The following DCT variants were observed in gnomAD, a reference collection of about 807,000 sequenced individuals.
The protein encoded by DCT is L-dopachrome tautomerase.
DCT carries 47 observed loss-of-function variants against 53.0 expected under a neutral mutation model. That is an observed-to-expected ratio of 0.89 (90% CI 0.70 to 1.13). The LOEUF (loss-of-function observed/expected upper bound fraction) is 1.13. Among genes scored for constraint, DCT ranks in the 50% most tolerant of loss-of-function variants. The probability of loss-of-function intolerance (pLI) is 0.00; values close to 1 mark genes in which losing one functional copy is unlikely to be tolerated. For missense variants in DCT, 669 were observed against 637.4 expected (o/e 1.05, Z -0.53); for synonymous variants, 244 against 237.0 (o/e 1.03, Z -0.27).
the DCT span, among the ~76,000 whole-genome samples, chr13:94,494,679 A>G: frequency 1.3e-5 from 2 of 152,228 alleles, no homozygotes; most frequent in Admixed American, 6.5e-5. Flanking sequence ...CATTATAGAA[A>G]GTTTTTAAAG....
At chr13:94,503,357 G>T in the DCT span, among the ~76,000 whole-genome samples, 1 of 150,110 alleles carries the variant, frequency 6.7e-6, no homozygotes, top group Non-Finnish European at 1.5e-5. Context: ...TGCAGCTAGG[G>T]TGACAGAGAC....
chr13:94,539,245 C>T, the DCT span, among the ~76,000 whole-genome samples: 1,472 of 152,190 alleles, frequency 9.7e-3, 24 homozygotes, highest in African/African-American at 0.033. Flanking sequence ...GCATAGCAGA[C>T]GGCAAGCTCT....
chr13:94,484,166 T>C (rs4773797), upstream of DCT, among the ~76,000 whole-genome samples: 75,827 of 151,974 alleles, frequency 0.5, 20,540 homozygotes, highest in African/African-American at 0.7. Context: ...CTTTTCATTC[T>C]TTTCATTCTG....
At chr13:94,524,595 A>G in the DCT span, among the ~76,000 whole-genome samples, 1,862 of 152,312 alleles carry the variant, frequency 0.012, 40 homozygotes, top group African/African-American at 0.042. Flanking sequence ...TTCCATGAAA[A>G]GAGAGATTTT....
chr13:94,465,968 T>TTATATATATATA (rs3044355), intron 3 of DCT, among the ~76,000 whole-genome samples, 169 bp from the exon 4 acceptor site: 57 of 77,808 alleles, frequency 7.3e-4, no homozygotes, highest in East Asian at 1.2e-3. Flanking sequence ...TGTGTATATT[T>TTATATATATATA]TATATATATA....
chr13:94,446,197 G>T (rs1300707715), intron 6 of DCT, among the ~76,000 whole-genome samples: 1 of 152,146 alleles, frequency 6.6e-6, no homozygotes, highest in Non-Finnish European at 1.5e-5. Flanking sequence ...CCAATAACAT[G>T]GCACTGAGAA....
chr13:94,469,075 A>T (rs367760767), intron 1 of DCT, 30 bp from the exon 2 acceptor site: 5 of 1,580,506 alleles, frequency 3.2e-6, no homozygotes, highest in Non-Finnish European at 4.3e-6. Flanking sequence ...GATGGAAAGG[A>T]AGGGGGTTTA....
the DCT span, among the ~76,000 whole-genome samples, chr13:94,525,975 A>T: frequency 6.6e-6 from 1 of 152,264 alleles, no homozygotes; most frequent in African/African-American, 2.4e-5. Context: ...CCCAAAGGCC[A>T]TGATGATTAT....
intron 6 of DCT, among the ~76,000 whole-genome samples, chr13:94,453,474 C>T (rs561368286): frequency 6.6e-6 from 1 of 151,992 alleles, no homozygotes; most frequent in East Asian, 1.9e-4. Flanking sequence ...TATTTTTTTA[C>T]AATATTAGTC....
intron 1 of DCT, among the ~76,000 whole-genome samples, chr13:94,477,376 C>T (rs1034834598): frequency 2.6e-5 from 4 of 152,058 alleles, no homozygotes; most frequent in Non-Finnish European, 4.4e-5. Context: ...GGATTACAGG[C>T]GTGAGCCACT....
In DCT at chr13:94,445,735, G is replaced by A. The variant is rs746252950; in HGVS notation, c.1180-2098C>T. Reference sequence around the variant, plus strand: ...CATGGTTACCAGCACATGCAGGGAAGGGAGTTCCTTGGTCGCTTTCTCTTT... The same window carrying A: ...CATGGTTACCAGCACATGCAGGGAAAGGAGTTCCTTGGTCGCTTTCTCTTT... On this transcript the variant is annotated intron_variant, in intron 6 of 7. Coordinates refer to ENST00000377028, the MANE Select transcript of DCT (RefSeq NM_001922.5). 2.6e-5 allele frequency: 41 copies of A among 1,588,626 alleles called. No individual in the cohort carries two copies. The highest frequency in any genetic ancestry group is 6.8e-5 in the East Asian group (3 of 44,014).
At chr13:94,522,224 A>C in the DCT span, among the ~76,000 whole-genome samples, 39,921 of 152,116 alleles carry the variant, frequency 0.26, 6,490 homozygotes, top group East Asian at 0.61. Flanking sequence ...TGAGCTGGGA[A>C]AGGCAGACCC....
In DCT at chr13:94,438,479, C is replaced by T. The variant is rs898423188; in HGVS notation, c.*1419G>A. ...TGGTTCTTGATGAGTCTTGCACCCTCTAGGACCCCTTATGTTGAAGGCAGC... is the reference window on the plus strand; with the variant it reads ...TGGTTCTTGATGAGTCTTGCACCCTTTAGGACCCCTTATGTTGAAGGCAGC... On this transcript the variant is annotated 3_prime_UTR_variant, in exon 8 of 8. Transcript: ENST00000377028. 4.8e-5 allele frequency: 20 copies of T among 413,682 alleles called. No individual in the cohort carries two copies. The highest frequency in any genetic ancestry group is 9.1e-5 in the Non-Finnish European group (19 of 208,262). The allele number at this position is 413,682 out of a possible 1,614,324, so 25.6% of individuals were successfully genotyped here. A position where few individuals can be genotyped will look rare whatever the true frequency, so the allele number is the denominator to read the frequency against.
the DCT span, among the ~76,000 whole-genome samples, chr13:94,497,874 A>G: frequency 1.3e-5 from 2 of 150,094 alleles, no homozygotes; most frequent in Admixed American, 6.6e-5. Flanking sequence ...GGGGTCACCT[A>G]TATGTGTGTG....
the DCT span, among the ~76,000 whole-genome samples, chr13:94,500,151 A>T: frequency 2.0e-5 from 3 of 152,102 alleles, no homozygotes; most frequent in African/African-American, 7.2e-5. Context: ...CCTTTCATCA[A>T]CATCTCCCCA....
At chr13:94,487,794 A>AT in the DCT span, among the ~76,000 whole-genome samples, 18 of 151,588 alleles carry the variant, frequency 1.2e-4, no homozygotes, top group Non-Finnish European at 1.8e-4. Context: ...AAAAGAGATT[A>AT]TTTTTTTCCC....
chr13:94,456,818 C>G (rs1278980083), intron 6 of DCT, among the ~76,000 whole-genome samples: 1 of 152,196 alleles, frequency 6.6e-6, no homozygotes, highest in Non-Finnish European at 1.5e-5. Flanking sequence ...AGTCATGAAG[C>G]CTCCAAAAAG....
chr13:94,499,006 G>A, the DCT span, among the ~76,000 whole-genome samples: 4 of 152,186 alleles, frequency 2.6e-5, no homozygotes, highest in African/African-American at 9.6e-5. Flanking sequence ...CAGGAAGTGG[G>A]TGGGGCCAAA....
the DCT span, among the ~76,000 whole-genome samples, chr13:94,488,372 G>T: frequency 6.6e-6 from 1 of 151,994 alleles, no homozygotes; most frequent in South Asian, 2.1e-4. Context: ...GATCTACCAG[G>T]GTTTATAGAT....
Sources: allele counts gnomAD v4.1 joint callset (sites outside exome capture counted in the v4.1 genomes callset), GRCh38; gene constraint gnomAD v4.1.1; transcripts MANE v1.5; gene names NCBI Gene and HGNC (gene_info 2026-07-23, HGNC 2026-07-21).